FTCDNL1: variants seen among roughly 807,000 people sequenced by gnomAD.
FTCDNL1 encodes the protein formiminotransferase N-terminal subdomain-containing protein.
FTCDNL1 carries 11 observed loss-of-function variants against 5.9 expected under a neutral mutation model. The observed-to-expected ratio is 1.87, with a 90% CI of 1.18 to 3.10. FTCDNL1 has a LOEUF of 3.10. FTCDNL1 is among the 30% of genes most tolerant of loss of function. FTCDNL1 has a pLI of 0.00. For missense variants in FTCDNL1, 115 were observed against 65.5 expected, an observed-to-expected ratio of 1.76 and a Z score of -2.61; for synonymous variants, 58 against 24.8, an observed-to-expected ratio of 2.34 and a Z score of -3.99.
At chr2:199,708,464 A>C in the FTCDNL1 span, among the ~76,000 whole-genome samples, 1 of 152,092 alleles carries the variant, frequency 6.6e-6, no homozygotes, top group Non-Finnish European at 1.5e-5. Context: ...AATACTAGAC[A>C]TTGTGGATTT....
the FTCDNL1 span, among the ~76,000 whole-genome samples, chr2:199,754,177 T>C: frequency 6.6e-6 from 1 of 152,112 alleles, no homozygotes; most frequent in Non-Finnish European, 1.5e-5. Flanking sequence ...CCTCTGTAAA[T>C]AATACAATTC....
chr2:199,710,288 A>T, the FTCDNL1 span, among the ~76,000 whole-genome samples: 1 of 152,190 alleles, frequency 6.6e-6, no homozygotes, highest in Non-Finnish European at 1.5e-5. Context: ...AAGCTAGGAA[A>T]CACCTTATGG....
intron 4 of FTCDNL1, among the ~76,000 whole-genome samples, chr2:199,815,825 C>G (rs188140598): frequency 2.6e-5 from 4 of 152,078 alleles, no homozygotes; most frequent in African/African-American, 9.6e-5. Flanking sequence ...CATGGTGAAA[C>G]CCCGTCTCTA....
At chr2:199,669,427 C>T in the FTCDNL1 span, among the ~76,000 whole-genome samples, 6 of 152,126 alleles carry the variant, frequency 3.9e-5, no homozygotes, top group Non-Finnish European at 5.9e-5. Flanking sequence ...TCTTCTAGGA[C>T]CCTCCCGCCT....
At chr2:199,708,120 T>C in the FTCDNL1 span, among the ~76,000 whole-genome samples, 1 of 152,136 alleles carries the variant, frequency 6.6e-6, no homozygotes, top group African/African-American at 2.4e-5. Context: ...CTGAATTTTT[T>C]TTTAAATGTC....
the FTCDNL1 span, among the ~76,000 whole-genome samples, chr2:199,703,352 T>C: frequency 6.6e-6 from 1 of 152,046 alleles, no homozygotes; most frequent in African/African-American, 2.4e-5. Flanking sequence ...ATGGCTAAAC[T>C]GAGATGTGCT....
chr2:199,818,727 C>T (rs1008690243), intron 4 of FTCDNL1: 1 of 152,106 alleles, frequency 6.6e-6, no homozygotes, highest in Non-Finnish European at 1.5e-5. Flanking sequence ...CAGAGCTGTG[C>T]CATGAGAAAT....
chr2:199,823,725 T>C (rs1837188), intron 3 of FTCDNL1, among the ~76,000 whole-genome samples: 42,556 of 152,110 alleles, frequency 0.28, 7,236 homozygotes, highest in South Asian at 0.42. Context: ...GGCTTTGTTG[T>C]TGCATTTATA....
the FTCDNL1 span, among the ~76,000 whole-genome samples, chr2:199,691,259 G>A: frequency 1.3e-5 from 2 of 152,228 alleles, no homozygotes; most frequent in South Asian, 2.1e-4. Flanking sequence ...TGCAACCTCC[G>A]CCTCCCGGGT....
chr2:199,680,670 C>T, the FTCDNL1 span, among the ~76,000 whole-genome samples: 3 of 152,140 alleles, frequency 2.0e-5, no homozygotes, highest in Non-Finnish European at 4.4e-5. Flanking sequence ...TAGAGCAGTC[C>T]AAGATTGCCA....
intron 3 of FTCDNL1, among the ~76,000 whole-genome samples, chr2:199,822,427 C>T (rs1364800953): frequency 1.3e-5 from 2 of 152,012 alleles, no homozygotes; most frequent in Non-Finnish European, 2.9e-5. Context: ...AACTTTTTTG[C>T]TAAAAAATGC....
At chr2:199,791,399 T>C (rs1182579659) in intron 3 of FTCDNL1, among the ~76,000 whole-genome samples, 1 of 152,186 alleles carries the variant, frequency 6.6e-6, no homozygotes, top group Non-Finnish European at 1.5e-5. Context: ...AACCTGTATG[T>C]GTGTATACAG....
the FTCDNL1 span, among the ~76,000 whole-genome samples, chr2:199,744,431 A>AAC: frequency 2.0e-3 from 296 of 151,588 alleles, 2 homozygotes; most frequent in African/African-American, 4.5e-3. Context: ...TCTCTACACA[A>AAC]ACACACACAC....
chr2:199,736,257 G>A, the FTCDNL1 span, among the ~76,000 whole-genome samples: 1 of 152,332 alleles, frequency 6.6e-6, no homozygotes, highest in East Asian at 1.9e-4. Flanking sequence ...AGAGCAAAGA[G>A]GCTATCAACC....
At chr2:199,782,325 A>C (rs924758456) in intron 3 of FTCDNL1, among the ~76,000 whole-genome samples, 2 of 152,230 alleles carry the variant, frequency 1.3e-5, no homozygotes, top group African/African-American at 2.4e-5. Context: ...ATACAATAAA[A>C]TGCACTCATT....
the FTCDNL1 span, among the ~76,000 whole-genome samples, chr2:199,696,935 C>G: frequency 6.6e-6 from 1 of 152,130 alleles, no homozygotes; most frequent in Non-Finnish European, 1.5e-5. Context: ...GAGCTGAAAG[C>G]CAAAATAGCC....
intron 4 of FTCDNL1, among the ~76,000 whole-genome samples, chr2:199,817,743 CAAA>C (rs751886241): frequency 5.8e-5 from 6 of 102,808 alleles, no homozygotes; most frequent in African/African-American, 7.1e-5. Flanking sequence ...GACCCTGTCT[CAAA>C]AAAAAAAAAA....
chr2:199,707,099 T>C, the FTCDNL1 span, among the ~76,000 whole-genome samples: 1 of 152,226 alleles, frequency 6.6e-6, no homozygotes, highest in Non-Finnish European at 1.5e-5. Flanking sequence ...CAGATGATAA[T>C]GGACACTTAG....
In FTCDNL1 at chr2:199,809,315, T is replaced by G. The variant is rs867931851; in HGVS notation, c.*3390A>C. ...TACATTGACCAAGCTGGTCTCAAACTCCTGGGTTCAAGTGATCCTCCTACC... is the reference window on the plus strand; with the variant it reads ...TACATTGACCAAGCTGGTCTCAAACGCCTGGGTTCAAGTGATCCTCCTACC... On this transcript the variant is annotated 3_prime_UTR_variant, in exon 5 of 5. Coordinates refer to ENST00000420128, the MANE Select transcript of FTCDNL1 (RefSeq NM_001363886.2). Among the ~76,000 whole-genome samples the G allele has an allele frequency of 1.3e-5, 2 of 151,304 alleles. No homozygotes were observed. Among genetic ancestry groups the G allele is most frequent in the African/African-American group, 4.9e-5 (2 of 41,236 alleles).
Sources: allele counts gnomAD v4.1 joint callset (sites outside exome capture counted in the v4.1 genomes callset), GRCh38; gene constraint gnomAD v4.1.1; transcripts MANE v1.5; gene names NCBI Gene and HGNC (gene_info 2026-07-23, HGNC 2026-07-21).